The following TRIOBP variants were observed in gnomAD, a reference collection of about 807,000 sequenced individuals.
The protein encoded by TRIOBP is TRIO and F-actin binding protein, also known as TRIO and F-actin-binding protein.
Under a neutral mutation model 238.8 loss-of-function variants are expected in TRIOBP, and 169 were observed. The ratio of observed to expected loss-of-function variants is 0.71; its 90% CI spans 0.62 to 0.80. The LOEUF (loss-of-function observed/expected upper bound fraction) is 0.80, where lower values mean the gene tolerates loss of function less well. Among genes scored for constraint, TRIOBP ranks in the 30% least tolerant of loss-of-function variants. The pLI is 0.00. For synonymous variants in TRIOBP, 1,150 were observed against 1,274.4 expected, an observed-to-expected ratio of 0.90 and a Z score of 2.08; for missense variants, 2,838 against 3,122.6, an observed-to-expected ratio of 0.91 and a Z score of 2.17.
rs779595749 is a variant in TRIOBP at position 37,715,857 on chromosome 22, C to G, written c.551C>G (p.Ala184Gly). Residue 184 changes from alanine (A) to glycine (G), a missense_variant, in exon 6 of 24, where the codon GCT (alanine) becomes GGT (glycine). By Grantham distance (60) the Ala-to-Gly change is moderately conservative. Coordinates refer to ENST00000644935, the MANE Select transcript of TRIOBP (RefSeq NM_001039141.3). ...AGGAGGCCTCGGGAGGGGCCGAGAG[C>G]TGACAGCTCCCAAAGGGCTCCGTCT... ...IPRRPREGPR[A>G]DSSQRAPSLL... 6.2e-7 allele frequency: 1 copy of G among 1,614,012 alleles called. No individual in the cohort carries two copies. The highest frequency in any genetic ancestry group is 2.2e-5 in the East Asian group (1 of 44,876).
In TRIOBP at chr22:37,772,673, C is replaced by A. The variant is rs757475898; in HGVS notation, c.7009C>A (p.Arg2337=). ...ELSHIKTRSE[R]EIEQLKEHLR... ...GAGCCACATCAAGACACGGTCTGAGCGGGAGATCGAGCAGCTGAAGGAGCA... is the reference window on the plus strand; with the variant it reads ...GAGCCACATCAAGACACGGTCTGAGAGGGAGATCGAGCAGCTGAAGGAGCA... The change falls in exon 23 of 24, where the codon CGG becomes AGG. Residue 2337 remains arginine (R), a synonymous_variant. Coordinates refer to ENST00000644935, the MANE Select transcript of TRIOBP (RefSeq NM_001039141.3). The A allele has an allele frequency of 1.2e-6, 2 of 1,613,970 alleles. No homozygotes were observed. The highest frequency in any genetic ancestry group is 1.3e-5 in the African/African-American group (1 of 74,902).
At chr22:37,742,666 C>G (rs1212317150) in intron 11 of TRIOBP, among the ~76,000 whole-genome samples, 1 of 152,142 alleles carries the variant, frequency 6.6e-6, no homozygotes. Context: ...GCAGGAATTA[C>G]CTTGTCTAAC....
chr22:37,702,122 CAAA>C (rs112697623), intron 3 of TRIOBP, among the ~76,000 whole-genome samples: 1 of 151,754 alleles, frequency 6.6e-6, no homozygotes, highest in Admixed American at 6.6e-5. Flanking sequence ...CAAAACAAAA[CAAA>C]AAAGAGAAGA....
At chr22:37,772,245 G>A (rs542002358) in intron 22 of TRIOBP, among the ~76,000 whole-genome samples, 3 of 152,180 alleles carry the variant, frequency 2.0e-5, no homozygotes, top group African/African-American at 7.2e-5. Flanking sequence ...GTAAGTGCAC[G>A]TGAGCCAGAC....
At chr22:37,710,697 T>C (rs1923193242) in intron 4 of TRIOBP, 131 bp downstream of exon 4, 1 of 1,298,386 alleles carries the variant, frequency 7.7e-7, no homozygotes, top group Non-Finnish European at 1.0e-6. Flanking sequence ...GTCAGTCCTC[T>C]AAACCTAGGC....
intron 11 of TRIOBP, among the ~76,000 whole-genome samples, chr22:37,748,772 G>A (rs144480661): frequency 7.2e-5 from 11 of 152,236 alleles, no homozygotes; most frequent in African/African-American, 2.4e-4. Context: ...GGACGGGGGC[G>A]GCTGGTGGTG....
intron 21 of TRIOBP, among the ~76,000 whole-genome samples, chr22:37,770,610 C>G (rs1926725605): frequency 6.6e-6 from 1 of 152,028 alleles, no homozygotes; most frequent in South Asian, 2.1e-4. Flanking sequence ...CTCCCAACCT[C>G]AGGTGATCCG....
At chr22:37,741,363 G>A (rs1924927965) in intron 11 of TRIOBP, among the ~76,000 whole-genome samples, 1 of 152,204 alleles carries the variant, frequency 6.6e-6, no homozygotes, top group Non-Finnish European at 1.5e-5. Context: ...GGAAGGGAAG[G>A]CGAGCTTATA....
intron 10 of TRIOBP, 112 bp from the exon 11 acceptor site, chr22:37,740,783 C>A: frequency 6.8e-7 from 1 of 1,478,954 alleles, no homozygotes; most frequent in Non-Finnish European, 9.2e-7. Flanking sequence ...AAGATGGGAA[C>A]CCTGGGGCTC....
In TRIOBP at chr22:37,759,245, C is replaced by A. The variant is rs764692958; in HGVS notation, c.6305C>A (p.Pro2102His). 32 of 1,612,964 alleles carry A rather than the reference C, an allele frequency of 2.0e-5. No individual in the cohort carries two copies. The highest frequency in any genetic ancestry group is 8.5e-7 in the Non-Finnish European group (1 of 1,179,904). The change falls in exon 17 of 24, where the codon CCC (proline) becomes CAC (histidine). Residue 2102 changes from proline (P) to histidine (H), a missense_variant. Transcript: ENST00000644935. Reference protein sequence around the residue: ...ALRSQEDGHIPPGYISQEACE... With the variant: ...ALRSQEDGHIHPGYISQEACE... ...AGATCCCAGGAGGATGGCCACATCC[C>A]CCCGGGCTACATCTCACAGGTAAGG... is the stretch of plus-strand genomic sequence containing the variant.
chr22:37,710,687 G>A, intron 4 of TRIOBP, 121 bp downstream of exon 4: 1 of 1,387,044 alleles, frequency 7.2e-7, no homozygotes, highest in Non-Finnish European at 9.7e-7. Context: ...GGGTCACGTG[G>A]TCAGTCCTCT....
intron 11 of TRIOBP, 168 bp from the exon 12 acceptor site, chr22:37,751,604 G>A (rs927730998): frequency 4.3e-6 from 3 of 695,376 alleles, no homozygotes; most frequent in South Asian, 3.3e-5. Flanking sequence ...GTGGCTGGGA[G>A]GCCTGCTTGG....
In TRIOBP at chr22:37,765,160, A is replaced by T. The variant is rs919105040; in HGVS notation, c.6325-510A>T. 2.6e-5 allele frequency among the ~76,000 whole-genome samples: 4 copies of T among 152,212 alleles called. No homozygotes were observed. In the East Asian group the frequency reaches 7.7e-4, roughly 29 times the overall value. On this transcript the variant is annotated intron_variant, in intron 17 of 23. Coordinates refer to ENST00000644935, the MANE Select transcript of TRIOBP (RefSeq NM_001039141.3). ...GCTGGGCGTGGTGGTGGGCACCTGT[A>T]GTCCCAGCTACTCACGAGGCTGAGG...
Position 37,768,142 on chromosome 22 carries a change from C to T in TRIOBP, c.6541C>T (p.Gln2181Ter). The T allele has an allele frequency of 6.2e-7, 1 of 1,613,510 alleles. No individual in the cohort carries two copies. The change falls in exon 19 of 24, where the codon CAG becomes TAG. Residue 2181 changes from glutamine to a stop codon, truncating the protein, a stop_gained. Coordinates refer to ENST00000644935, the MANE Select transcript of TRIOBP (RefSeq NM_001039141.3). LOFTEE classifies it high-confidence loss of function. ...AGAGCTGAGCAAAACACGGAGTCTC[C>T]AGCAGGGCCCGGATGGCCTCCGGAA... ...SRELSKTRSL[Q>*]QGPDGLRKQH... is the part of the protein sequence containing the mutation.
intron 7 of TRIOBP, 66 bp downstream of exon 7, chr22:37,726,569 G>T: frequency 3.6e-6 from 5 of 1,389,336 alleles, no homozygotes; most frequent in Non-Finnish European, 4.7e-6. Context: ...ACAGGTGAAG[G>T]GTTAGGGTGC....
chr22:37,742,634 G>C (rs1414165197), intron 11 of TRIOBP, among the ~76,000 whole-genome samples: 5 of 152,168 alleles, frequency 3.3e-5, no homozygotes. Flanking sequence ...TATCTGAGTA[G>C]TGTGGTACCT....
intron 11 of TRIOBP, among the ~76,000 whole-genome samples, chr22:37,749,626 G>A (rs941557329): frequency 6.6e-6 from 1 of 151,868 alleles, no homozygotes; most frequent in African/African-American, 2.4e-5. Flanking sequence ...TTGACCCTGG[G>A]GACAGGTTTC....
intron 22 of TRIOBP, among the ~76,000 whole-genome samples, chr22:37,772,129 A>C (rs1407526154): frequency 6.6e-6 from 1 of 152,190 alleles, no homozygotes; most frequent in Non-Finnish European, 1.5e-5. Context: ...GTCAGGGTTC[A>C]GCCCAGGTCT....
At chr22:37,748,946 C>T (rs549897800) in intron 11 of TRIOBP, among the ~76,000 whole-genome samples, 66 of 152,168 alleles carry the variant, frequency 4.3e-4, no homozygotes, top group African/African-American at 1.1e-3. Flanking sequence ...GTGTTGTGAT[C>T]GGCAAGGAAT....
Sources: gnomAD v4.1 joint callset for allele counts (sites outside exome capture counted in the v4.1 genomes callset) on GRCh38, gnomAD v4.1.1 for gene constraint, MANE v1.5 for transcripts, NCBI Gene and HGNC (gene_info 2026-07-23, HGNC 2026-07-21) for gene names.